EYA1: variants seen among roughly 807,000 people sequenced by gnomAD.
The protein encoded by EYA1 is EYA transcriptional coactivator and phosphatase 1.
In EYA1, 16 loss-of-function variants were observed where a neutral mutation model predicts 82.0. That is an observed-to-expected ratio of 0.20 (90% confidence interval 0.13 to 0.30). The LOEUF (loss-of-function observed/expected upper bound fraction) is 0.30, where lower values mean the gene tolerates loss of function less well. Ranked by LOEUF, EYA1 falls within the 10% of genes least tolerant of loss-of-function variation. EYA1 has a pLI of 1.00. For missense variants in EYA1, 633 were observed against 730.7 expected (o/e 0.87, Z 1.54); for synonymous variants, 261 against 264.4 (o/e 0.99, Z 0.12).
intron 10 of EYA1, among the ~76,000 whole-genome samples, chr8:71,271,510 C>T (rs1259565703): frequency 6.6e-6 from 1 of 151,828 alleles, no homozygotes; most frequent in Non-Finnish European, 1.5e-5. Flanking sequence ...GCATAATTTA[C>T]TATATTTCTT....
intron 2 of EYA1, among the ~76,000 whole-genome samples, chr8:71,525,014 T>C (rs1813704380): frequency 6.6e-6 from 1 of 152,232 alleles, no homozygotes; most frequent in African/African-American, 2.4e-5. Context: ...GTTACTACAT[T>C]GCTTACTAAA....
In EYA1 at chr8:71,216,783, A is replaced by G; in HGVS notation, c.1269T>C (p.Gly423=). 2.5e-6 allele frequency: 4 copies of G among 1,614,136 alleles called. No homozygotes were observed. Among genetic ancestry groups the G allele is most frequent in the Non-Finnish European group, 3.4e-6 (4 of 1,180,000 alleles). ...ATSANLCLAT[G]VRGGVDWMRK... is the part of the protein sequence containing the mutation. The stretch of plus-strand genomic sequence containing the variant: ...TCATCCAGTCCACACCGCCCCGTAC[A>G]CCAGTTGCCAAACATAAGTTAGCAC... Residue 423 remains glycine (G), a synonymous_variant, in exon 14 of 18, where the codon GGT becomes GGC. Coordinates refer to ENST00000340726, the MANE Select transcript of EYA1 (RefSeq NM_000503.6).
chr8:71,516,171 A>G (rs1264033902), intron 2 of EYA1, among the ~76,000 whole-genome samples: 1 of 152,128 alleles, frequency 6.6e-6, no homozygotes, highest in Admixed American at 6.6e-5. Flanking sequence ...TTTCTCATGT[A>G]CTCTGTTTAT....
At chr8:71,279,600 A>G (rs1817589279) in intron 9 of EYA1, among the ~76,000 whole-genome samples, 1 of 152,214 alleles carries the variant, frequency 6.6e-6, no homozygotes, top group African/African-American at 2.4e-5. Flanking sequence ...ATGGGGGAAA[A>G]CACTGGTGAA....
At chr8:71,216,399 C>CGAAGGATGCTAATTCTTT (rs1563632731) in intron 14 of EYA1, among the ~76,000 whole-genome samples, 1 of 152,138 alleles carries the variant, frequency 6.6e-6, no homozygotes, top group African/African-American at 2.4e-5. Flanking sequence ...GCTAATTCTT[C>CGAAGGATGCTAATTCTTT]GAAGGATGCT....
At chr8:71,332,852 C>T (rs4738128) in intron 4 of EYA1, among the ~76,000 whole-genome samples, 114,273 of 152,020 alleles carry the variant, frequency 0.75, 44,517 homozygotes, top group South Asian at 0.86. Flanking sequence ...AGATCCACGC[C>T]CTCTGTGCTG....
At chr8:71,256,124 T>C (rs1224876769) in intron 11 of EYA1, among the ~76,000 whole-genome samples, 1 of 152,184 alleles carries the variant, frequency 6.6e-6, no homozygotes, top group Non-Finnish European at 1.5e-5. Context: ...CATAAAATGC[T>C]GCAGCTGCTA....
At chr8:71,354,217 ATAGT>A (rs1483568919) in intron 3 of EYA1, among the ~76,000 whole-genome samples, 1 of 152,138 alleles carries the variant, frequency 6.6e-6, no homozygotes, top group African/African-American at 2.4e-5. Flanking sequence ...AAGTAAATAA[ATAGT>A]GTGTATATCA....
At chr8:71,359,388 T>A (rs1456910120) in intron 1 of EYA1, among the ~76,000 whole-genome samples, 2 of 152,160 alleles carry the variant, frequency 1.3e-5, no homozygotes, top group Non-Finnish European at 2.9e-5. Context: ...CCCCAGAAAT[T>A]ATTTCCAGAA....
intron 9 of EYA1, among the ~76,000 whole-genome samples, chr8:71,275,043 A>G (rs1477745459): frequency 6.6e-6 from 1 of 152,220 alleles, no homozygotes; most frequent in Non-Finnish European, 1.5e-5. Flanking sequence ...GAAAAAGAAC[A>G]CAGAGATGAG....
intron 2 of EYA1, among the ~76,000 whole-genome samples, chr8:71,387,552 GT>G (rs1829037900): frequency 6.6e-6 from 1 of 152,164 alleles, no homozygotes; most frequent in Non-Finnish European, 1.5e-5. Context: ...AACATTTACA[GT>G]TAAATTATTG....
At chr8:71,543,949 C>T (rs1286953108) in intron 1 of EYA1, among the ~76,000 whole-genome samples, 1 of 152,156 alleles carries the variant, frequency 6.6e-6, no homozygotes, top group Non-Finnish European at 1.5e-5. Flanking sequence ...AAGCAGTTCC[C>T]TCATTTCCTG....
At chr8:71,321,655 G>A in intron 6 of EYA1, 79 bp downstream of exon 6, 3 of 1,533,230 alleles carry the variant, frequency 2.0e-6, no homozygotes, top group South Asian at 1.2e-5. Context: ...CAAAGATTGG[G>A]TCTTTAAGTA....
intron 12 of EYA1, among the ~76,000 whole-genome samples, chr8:71,218,856 C>A (rs371736129): frequency 3.6e-4 from 55 of 151,856 alleles, no homozygotes; most frequent in African/African-American, 1.3e-3. Context: ...GCCATAGCGC[C>A]ATGATGGAGA....
At chr8:71,517,721 A>C (rs1186076088) in intron 2 of EYA1, among the ~76,000 whole-genome samples, 1 of 147,998 alleles carries the variant, frequency 6.8e-6, no homozygotes, top group African/African-American at 2.5e-5. Flanking sequence ...ATATATATAT[A>C]TATATAACTG....
chr8:71,376,899 C>T (rs1346410050), intron 2 of EYA1, among the ~76,000 whole-genome samples: 1 of 152,128 alleles, frequency 6.6e-6, no homozygotes. Flanking sequence ...AGGCTCCCTC[C>T]GCAGAAGCCT....
At chr8:71,544,260 C>T (rs768155332) in intron 1 of EYA1, among the ~76,000 whole-genome samples, 1 of 152,128 alleles carries the variant, frequency 6.6e-6, no homozygotes, top group Non-Finnish European at 1.5e-5. Flanking sequence ...TAGAAATATA[C>T]ATGGCAAAGG....
At position 71,211,297 on chromosome 8, in the gene EYA1, GTAACC is replaced by G. The variant is rs536913833; in HGVS notation, c.1598-46_1598-42del. 1.1e-5 allele frequency: 15 copies of G among 1,323,490 alleles called. No homozygotes were observed. In the Admixed American group the frequency reaches 2.5e-4, roughly 22 times the overall value. The allele number at this position is 1,323,490 out of a possible 1,614,324, so 82.0% of individuals were successfully genotyped here. Reference sequence around the variant, plus strand: ...AAATGATAGAAAATGTGAAGTTTGGGTAACCTAATGTGACAGTGCTTGAACTTTTT... The same window carrying G: ...AAATGATAGAAAATGTGAAGTTTGGGTAATGTGACAGTGCTTGAACTTTTT... On this transcript the variant is annotated intron_variant, in intron 16 of 17. Transcript: ENST00000340726.
At chr8:71,314,857 T>C (rs1821735230) in intron 7 of EYA1, among the ~76,000 whole-genome samples, 1 of 152,220 alleles carries the variant, frequency 6.6e-6, no homozygotes, top group African/African-American at 2.4e-5. Context: ...CAATATCCAG[T>C]AAGCCCAGAT....
Sources: gnomAD v4.1 joint callset for allele counts (sites outside exome capture counted in the v4.1 genomes callset) on GRCh38, gnomAD v4.1.1 for gene constraint, MANE v1.5 for transcripts, NCBI Gene and HGNC (gene_info 2026-07-23, HGNC 2026-07-21) for gene names.